TNIP3: variants seen among roughly 807,000 people sequenced by gnomAD.
TNIP3 encodes the protein TNFAIP3-interacting protein 3.
In TNIP3, 34 loss-of-function variants were observed where a neutral mutation model predicts 54.1. The ratio of observed to expected loss-of-function variants is 0.63; its 90% confidence interval spans 0.48 to 0.84. The LOEUF (loss-of-function observed/expected upper bound fraction) is 0.84, where lower values mean the gene tolerates loss of function less well. Among genes scored for constraint, TNIP3 ranks in the 40% least tolerant of loss-of-function variants. The pLI is 0.00. For synonymous variants in TNIP3, 134 were observed against 136.8 expected, an observed-to-expected ratio of 0.98 and a Z score of 0.14; for missense variants, 366 against 387.6, an observed-to-expected ratio of 0.94 and a Z score of 0.47.
intron 2 of TNIP3, among the ~76,000 whole-genome samples, chr4:121,203,480 C>T (rs1456042245): frequency 6.6e-6 from 1 of 151,956 alleles, no homozygotes; most frequent in Non-Finnish European, 1.5e-5. Context: ...AAGAATGGGA[C>T]AGGGGTGAGG....
chr4:121,143,810 C>T (rs1218988453), intron 7 of TNIP3, among the ~76,000 whole-genome samples: 1 of 152,164 alleles, frequency 6.6e-6, no homozygotes, highest in African/African-American at 2.4e-5. Flanking sequence ...AGTACTATAA[C>T]ATGTCTTAAT....
chr4:121,154,522 T>G (rs374453366), intron 5 of TNIP3, 29 bp downstream of exon 5: 48 of 1,611,264 alleles, frequency 3.0e-5, no homozygotes, highest in Non-Finnish European at 4.0e-5. Context: ...CTTCTCATTT[T>G]AATCTCCCAT....
chr4:121,179,128 G>A (rs1724536489), intron 3 of TNIP3, among the ~76,000 whole-genome samples: 1 of 152,200 alleles, frequency 6.6e-6, no homozygotes, highest in African/African-American at 2.4e-5. Flanking sequence ...TAAACAGCAT[G>A]TGAAATGATA....
At chr4:121,133,213 C>G (rs1283576883) in intron 10 of TNIP3, among the ~76,000 whole-genome samples, 3 of 152,084 alleles carry the variant, frequency 2.0e-5, no homozygotes, top group Non-Finnish European at 2.9e-5. Flanking sequence ...CTCATGGCAA[C>G]AGGAAAAAAT....
At chr4:121,170,297 A>G (rs6839386) in intron 3 of TNIP3, among the ~76,000 whole-genome samples, 2 of 152,072 alleles carry the variant, frequency 1.3e-5, no homozygotes, top group African/African-American at 4.8e-5. Context: ...ATTACAATAC[A>G]TTTTTATTGA....
intron 5 of TNIP3, among the ~76,000 whole-genome samples, chr4:121,153,287 T>C (rs1211991963): frequency 6.6e-6 from 1 of 152,090 alleles, no homozygotes; most frequent in Non-Finnish European, 1.5e-5. Context: ...ACATGAAGAG[T>C]GCACATGGAC....
At chr4:121,155,386 A>T (rs1205136122) in intron 4 of TNIP3, among the ~76,000 whole-genome samples, 2 of 152,236 alleles carry the variant, frequency 1.3e-5, no homozygotes, top group Non-Finnish European at 2.9e-5. Context: ...AATACTAAAT[A>T]TCTCAAAGCT....
intron 6 of TNIP3, among the ~76,000 whole-genome samples, chr4:121,147,621 T>C (rs1729508380): frequency 6.6e-6 from 1 of 152,176 alleles, no homozygotes; most frequent in Non-Finnish European, 1.5e-5. Flanking sequence ...TTGAGAAAAG[T>C]GACTAAACTA....
At chr4:121,197,519 G>A (rs1201184775) in intron 2 of TNIP3, among the ~76,000 whole-genome samples, 2 of 138,534 alleles carry the variant, frequency 1.4e-5, no homozygotes, top group African/African-American at 2.9e-5. Context: ...GTGACAGAGC[G>A]AGACTCTGTC....
intron 2 of TNIP3, among the ~76,000 whole-genome samples, chr4:121,186,535 G>C (rs754284792): frequency 6.6e-6 from 1 of 152,212 alleles, no homozygotes; most frequent in African/African-American, 2.4e-5. Context: ...GGGACCTAGT[G>C]TAAGTCCTTT....
intron 2 of TNIP3, among the ~76,000 whole-genome samples, chr4:121,193,842 T>C (rs1164066217): frequency 6.6e-6 from 1 of 152,122 alleles, no homozygotes; most frequent in Non-Finnish European, 1.5e-5. Flanking sequence ...CTTGCCAAGA[T>C]TATACAACCT....
At chr4:121,176,404 C>G (rs1299382360) in intron 3 of TNIP3, among the ~76,000 whole-genome samples, 1 of 151,920 alleles carries the variant, frequency 6.6e-6, no homozygotes, top group African/African-American at 2.4e-5. Flanking sequence ...TCAAAACATT[C>G]CACAGCTACA....
chr4:121,197,960 G>A (rs1725690778), intron 2 of TNIP3, among the ~76,000 whole-genome samples: 1 of 152,164 alleles, frequency 6.6e-6, no homozygotes, highest in Non-Finnish European at 1.5e-5. Flanking sequence ...AAATACACAT[G>A]TGAAAGATTC....
intron 3 of TNIP3, among the ~76,000 whole-genome samples, chr4:121,177,686 T>C (rs755750835): frequency 1.3e-5 from 2 of 152,250 alleles, no homozygotes; most frequent in African/African-American, 4.8e-5. Flanking sequence ...CTCCCTGTCA[T>C]TGGCTCACGC....
At chr4:121,200,316 A>T (rs563379668) in intron 2 of TNIP3, among the ~76,000 whole-genome samples, 1 of 152,190 alleles carries the variant, frequency 6.6e-6, no homozygotes, top group East Asian at 1.9e-4. Context: ...ATCCACTAAG[A>T]AGAGGAATAT....
intron 3 of TNIP3, among the ~76,000 whole-genome samples, chr4:121,169,619 C>T (rs1182799850): frequency 3.9e-5 from 6 of 152,150 alleles, no homozygotes; most frequent in African/African-American, 1.4e-4. Context: ...ATACAAATTG[C>T]CTTCCTTACC....
At chr4:121,135,211 A>T (rs1161679937) in intron 10 of TNIP3, among the ~76,000 whole-genome samples, 1 of 152,174 alleles carries the variant, frequency 6.6e-6, no homozygotes, top group Non-Finnish European at 1.5e-5. Context: ...GTAGGAGGAT[A>T]GATTATACTT....
At chr4:121,151,579 G>A (rs1267646470) in intron 5 of TNIP3, among the ~76,000 whole-genome samples, 1 of 152,064 alleles carries the variant, frequency 6.6e-6, no homozygotes, top group Non-Finnish European at 1.5e-5. Flanking sequence ...TCTAGGAAGT[G>A]TCAGAATAGT....
intron 6 of TNIP3, among the ~76,000 whole-genome samples, chr4:121,149,183 G>A (rs920404023): frequency 2.0e-5 from 3 of 152,138 alleles, no homozygotes; most frequent in African/African-American, 4.8e-5. Context: ...AGATACATGC[G>A]GAAGTTGTAG....
Sources: gnomAD v4.1 joint callset for allele counts (sites outside exome capture counted in the v4.1 genomes callset) on GRCh38, gnomAD v4.1.1 for gene constraint, MANE v1.5 for transcripts, NCBI Gene and HGNC (gene_info 2026-07-23, HGNC 2026-07-21) for gene names.